Variants in RIPPLY3 observed in about 807,000 individuals in gnomAD.
RIPPLY3 encodes ripply transcriptional repressor 3.
In RIPPLY3, 8 loss-of-function variants were observed where a neutral mutation model predicts 11.9. The ratio of observed to expected loss-of-function variants is 0.67; its 90% CI spans 0.40 to 1.21. RIPPLY3 has a LOEUF of 1.21. Among genes scored for constraint, RIPPLY3 ranks in the 50% most tolerant of loss-of-function variants. The probability of loss-of-function intolerance (pLI) is 0.01; values close to 1 mark genes in which losing one functional copy is unlikely to be tolerated. For synonymous variants in RIPPLY3, 102 were observed against 99.0 expected (o/e 1.03, Z -0.18); for missense variants, 271 against 246.0 (o/e 1.10, Z -0.68).
rs116884043 is a variant in RIPPLY3, at chr21:37,019,524, T to A, written c.*1317T>A. ...CACTATTTTTAATTAAAGTATCTGA[T>A]GTAAAATTATTTTGAGTTTTTAATA... On this transcript the variant is annotated 3_prime_UTR_variant, in exon 4 of 4. Transcript: ENST00000329553. The A allele has an allele frequency of 6.6e-6, 1 of 152,122 alleles. No homozygotes were observed. The highest frequency in any genetic ancestry group is 2.4e-5 in the African/African-American group (1 of 41,444). The allele number at this position is 152,122 out of a possible 1,614,324, so 9.4% of individuals were successfully genotyped here. A position where few individuals can be genotyped will look rare whatever the true frequency, so the allele number is the denominator to read the frequency against.
chr21:37,006,458 A>T (rs1292514334), upstream of RIPPLY3: 2 of 229,812 alleles, frequency 8.7e-6, no homozygotes, highest in African/African-American at 4.8e-5. This position sits in a 1 kb window ranked among gnomAD's most constrained non-coding sequence, Gnocchi z 5.2. Context: ...GGCCTGCCGG[A>T]CCCCCCTCCT....
Position 37,017,922 on chromosome 21 carries a change from G to A in RIPPLY3, c.288G>A (p.Gly96=), listed in dbSNP as rs776666809. The change falls in exon 4 of 4, where the codon GGG becomes GGA. Residue 96 remains glycine, a synonymous_variant. Transcript: ENST00000329553. The stretch of plus-strand genomic sequence containing the variant: ...GTCAAGAATACCTGCGGAGTTCCGG[G>A]GAGCAAGTACTGGCCAGTTTCCCAG... ...SKRQEYLRSS[G]EQVLASFPVQ... is the part of the protein sequence containing the mutation. The A allele has an allele frequency of 3.1e-6, 5 of 1,614,096 alleles. 1 individual carries two copies. The South Asian group carries it at 5.5e-5, about 18-fold the overall frequency.
chr21:37,007,608 C>A (rs908318529), intron 1 of RIPPLY3, among the ~76,000 whole-genome samples: 5 of 152,042 alleles, frequency 3.3e-5, no homozygotes, highest in South Asian at 2.1e-4. Context: ...TGGGTTTCGC[C>A]ATGTTGGCCA....
chr21:37,017,653 G>A (rs758056968), intron 3 of RIPPLY3, among the ~76,000 whole-genome samples: 2 of 152,184 alleles, frequency 1.3e-5, no homozygotes, highest in African/African-American at 2.4e-5. Context: ...GGCTCAGTCA[G>A]ATTTATAACT....
chr21:37,009,801 C>G (rs2069502211), intron 2 of RIPPLY3, among the ~76,000 whole-genome samples: 1 of 152,212 alleles, frequency 6.6e-6, no homozygotes, highest in South Asian at 2.1e-4. Flanking sequence ...CGCTGATCAG[C>G]AGGTAGCCTG....
At chr21:37,012,390 A>G (rs2069533721) in intron 2 of RIPPLY3, among the ~76,000 whole-genome samples, 3 of 152,104 alleles carry the variant, frequency 2.0e-5, no homozygotes, top group Admixed American at 1.3e-4. Flanking sequence ...GGCACATGCC[A>G]CCACGCCCAG....
In RIPPLY3 at chr21:37,012,254, T is replaced by TTA. The variant is rs1569286426; in HGVS notation, c.172-1296_172-1295insAT. On this transcript the variant is annotated intron_variant, in intron 2 of 3. Coordinates refer to ENST00000329553, the MANE Select transcript of RIPPLY3 (RefSeq NM_018962.3). ...TATTATTATTATTATTATTATTATTTTTGAGACGGAGTCTCGCTCTGTTGC... is the reference window on the plus strand; with the variant it reads ...TATTATTATTATTATTATTATTATTTTATTGAGACGGAGTCTCGCTCTGTTGC... Among the ~76,000 whole-genome samples the TTA allele has an allele frequency of 6.7e-3, 678 of 101,314 alleles. 5 individuals carry two copies. The highest frequency in any genetic ancestry group is 0.034 in the African/African-American group (638 of 18,746). The allele number at this position is 101,314 out of a possible 152,430, so 66.5% of individuals were successfully genotyped here. A position where few individuals can be genotyped will look rare whatever the true frequency, so the allele number is the denominator to read the frequency against.
intron 2 of RIPPLY3, among the ~76,000 whole-genome samples, chr21:37,010,007 G>A (rs1023432397): frequency 6.6e-6 from 1 of 152,188 alleles, no homozygotes; most frequent in Non-Finnish European, 1.5e-5. Context: ...GTCCACCGAC[G>A]AGAGCTGCCC....
chr21:37,011,191 CG>C (rs1335500459), intron 2 of RIPPLY3, among the ~76,000 whole-genome samples: 50 of 151,960 alleles, frequency 3.3e-4, no homozygotes, highest in Non-Finnish European at 8.8e-5. Flanking sequence ...GTAGTAGGGA[CG>C]GGGGTTTCAC....
At chr21:37,011,825 C>T (rs1389609576) in intron 2 of RIPPLY3, among the ~76,000 whole-genome samples, 1 of 148,956 alleles carries the variant, frequency 6.7e-6, no homozygotes. Context: ...TGGTGGCATG[C>T]GCCTGTAGTC....
chr21:37,018,241 C>T lies in RIPPLY3; in HGVS notation c.*34C>T. The T allele has an allele frequency of 6.4e-7, 1 of 1,560,610 alleles. No individual in the cohort carries two copies. The highest frequency in any genetic ancestry group is 8.8e-7 in the Non-Finnish European group (1 of 1,132,878). On this transcript the variant is annotated 3_prime_UTR_variant, in exon 4 of 4. Transcript: ENST00000329553. ...CTGTCTCCTGGGCCCTGCTCTGGGA[C>T]CTGCCCCTCACGTTCTCTTGGGGAC...
At position 37,006,742 on chromosome 21, in the gene RIPPLY3, C is replaced by T; in HGVS notation, c.-31C>T. 2 of 1,210,072 alleles carry T rather than the reference C, an allele frequency of 1.7e-6. No homozygotes were observed. The highest frequency in any genetic ancestry group is 2.1e-6 in the Non-Finnish European group (2 of 969,178). 75.0% of individuals were successfully genotyped at this position (1,210,072 alleles called of 1,614,324 possible). ...TCTAGGCGCGCTCGTAGGCCGGCGC[C>T]GCAGCAAGGGGCGCGGGCTCCGCCG... is the stretch of plus-strand genomic sequence containing the variant. On this transcript the variant is annotated 5_prime_UTR_variant, in exon 1 of 4. Transcript: ENST00000329553. This position sits in a 1 kb window ranked among gnomAD's most constrained non-coding sequence, Gnocchi z 5.2.
intron 2 of RIPPLY3, among the ~76,000 whole-genome samples, chr21:37,011,760 A>T (rs1304911363): frequency 2.0e-5 from 3 of 151,628 alleles, no homozygotes; most frequent in African/African-American, 7.3e-5. Flanking sequence ...AGATCAGGAG[A>T]TCGAAACACG....
chr21:37,016,655 A>G (rs1225848652), intron 3 of RIPPLY3, among the ~76,000 whole-genome samples: 2 of 152,090 alleles, frequency 1.3e-5, no homozygotes, highest in Non-Finnish European at 2.9e-5. Context: ...AATATGGCGA[A>G]ACCCTGTCTC....
In RIPPLY3 at chr21:37,019,420, G is replaced by A. The variant is rs1440643539; in HGVS notation, c.*1213G>A. ...CCGTCTCTCTTCTTAGTTGGTGACT[G>A]TTTGGGGCCTGGTATTTTAATAGAT... On this transcript the variant is annotated 3_prime_UTR_variant, in exon 4 of 4. Transcript: ENST00000329553. 6.6e-6 allele frequency: 1 copy of A among 152,122 alleles called. No homozygotes were observed. The highest frequency in any genetic ancestry group is 2.4e-5 in the African/African-American group (1 of 41,428). The allele number at this position is 152,122 out of a possible 1,614,324, so 9.4% of individuals were successfully genotyped here.
rs1322137357 is a variant in RIPPLY3, at chr21:37,018,266, C to T, written c.*59C>T. On this transcript the variant is annotated 3_prime_UTR_variant, in exon 4 of 4. Transcript: ENST00000329553. ...CCTGCCCCTCACGTTCTCTTGGGGA[C>T]ACCCGAGCCAGGACACTACGCATCC... 12 of 1,445,762 alleles carry T rather than the reference C, an allele frequency of 8.3e-6. 1 individual carries two copies. In the South Asian group the frequency reaches 1.3e-4, roughly 15 times the overall value. The allele number at this position is 1,445,762 out of a possible 1,614,324, so 89.6% of individuals were successfully genotyped here.
chr21:37,011,096 C>T (rs2069516933), intron 2 of RIPPLY3, among the ~76,000 whole-genome samples: 1 of 152,052 alleles, frequency 6.6e-6, no homozygotes, highest in Admixed American at 6.6e-5. Flanking sequence ...CTCTGCCTCC[C>T]AGGTTCAAGC....
intron 1 of RIPPLY3, among the ~76,000 whole-genome samples, chr21:37,007,400 C>CTTTTTTTTTTTTTTTTTTTTTTTTT (rs895853940): frequency 1.2e-5 from 1 of 86,272 alleles, no homozygotes; most frequent in Non-Finnish European, 2.2e-5. Context: ...AAGATTCCCT[C>CTTTTTTTTTTTTTTTTTTTTTTTTT]TTTTTTTTTT....
In RIPPLY3 at chr21:37,018,283, T is replaced by C. The variant is rs2069603081; in HGVS notation, c.*76T>C. 1 of 1,245,124 alleles carries C rather than the reference T, an allele frequency of 8.0e-7. No homozygotes were observed. Among genetic ancestry groups the C allele is most frequent in the South Asian group, 1.2e-5 (1 of 81,050 alleles). The allele number at this position is 1,245,124 out of a possible 1,614,324, so 77.1% of individuals were successfully genotyped here. A position where few individuals can be genotyped will look rare whatever the true frequency, so the allele number is the denominator to read the frequency against. ...CTTGGGGACACCCGAGCCAGGACAC[T>C]ACGCATCCCTGCTGAGTGTGCAGAG... On this transcript the variant is annotated 3_prime_UTR_variant, in exon 4 of 4. Transcript: ENST00000329553.
Sources: allele counts gnomAD v4.1 joint callset (sites outside exome capture counted in the v4.1 genomes callset), GRCh38; gene constraint gnomAD v4.1.1; non-coding constraint Gnocchi (gnomAD v3.1); transcripts MANE v1.5; gene names NCBI Gene and HGNC (gene_info 2026-07-23, HGNC 2026-07-21).